The following ZNF277 variants were observed in gnomAD, a reference collection of about 807,000 sequenced individuals.
ZNF277 encodes the protein zinc finger protein 277.
Under a neutral mutation model 60.7 loss-of-function variants are expected in ZNF277, and 55 were observed. The ratio of observed to expected loss-of-function variants is 0.91; its 90% CI spans 0.73 to 1.13. ZNF277 has a LOEUF of 1.13. Ranked by LOEUF, ZNF277 falls within the 50% of genes most tolerant of loss-of-function variation. ZNF277 has a pLI of 0.00. For missense variants in ZNF277, 510 were observed against 523.0 expected (o/e 0.98, Z 0.24); for synonymous variants, 178 against 179.3 (o/e 0.99, Z 0.06).
chr7:112,331,753 C>T (rs1468944153), intron 7 of ZNF277, among the ~76,000 whole-genome samples: 1 of 152,314 alleles, frequency 6.6e-6, no homozygotes, highest in South Asian at 2.1e-4. Flanking sequence ...AGAGCAAATG[C>T]TGCTTCAGGA....
intron 1 of ZNF277, among the ~76,000 whole-genome samples, chr7:112,258,283 T>C (rs1409605349): frequency 6.6e-6 from 1 of 152,042 alleles, no homozygotes; most frequent in Non-Finnish European, 1.5e-5. Flanking sequence ...TTTTTTTTGC[T>C]TTCTTCCTAG....
chr7:112,270,798 TATAAAGTTATAAAATTG>T, intron 1 of ZNF277, among the ~76,000 whole-genome samples: 1 of 152,218 alleles, frequency 6.6e-6, no homozygotes, highest in Admixed American at 6.5e-5. Context: ...TATACTAACT[TATAAAGTTATAAAATTG>T]ATCATATCAA....
intron 4 of ZNF277, among the ~76,000 whole-genome samples, chr7:112,297,059 C>G (rs1164778401): frequency 2.0e-5 from 3 of 150,116 alleles, no homozygotes; most frequent in Non-Finnish European, 3.0e-5. Context: ...TCCCGAGTAG[C>G]TGGGACTACA....
chr7:112,235,325 G>C (rs1040269918), intron 1 of ZNF277, among the ~76,000 whole-genome samples: 30 of 151,996 alleles, frequency 2.0e-4, no homozygotes, highest in African/African-American at 7.0e-4. Flanking sequence ...AACTATGATT[G>C]ACATTTTGAA....
chr7:112,337,954 C>A, intron 9 of ZNF277, 128 bp downstream of exon 9: 1 of 721,898 alleles, frequency 1.4e-6, no homozygotes, highest in Non-Finnish European at 2.2e-6. Flanking sequence ...CAGGCCAGGT[C>A]TGTCAGGGAG....
chr7:112,278,359 C>A lies in ZNF277; in HGVS notation c.92-8514C>A, dbSNP rs568300213. On this transcript the variant is annotated intron_variant, in intron 1 of 11. Coordinates refer to ENST00000361822, the MANE Select transcript of ZNF277 (RefSeq NM_021994.3). ...TCTTATGTGATTTAATTCTTTAAAT[C>A]TGTGTTGGGGCCCTAGAGTGTTTAT... Among the ~76,000 whole-genome samples the A allele has an allele frequency of 5.9e-5, 9 of 152,238 alleles. No individual in the cohort carries two copies. In the South Asian group the frequency reaches 1.0e-3, roughly 18 times the overall value.
intron 1 of ZNF277, among the ~76,000 whole-genome samples, chr7:112,247,421 A>G (rs934808200): frequency 2.0e-5 from 3 of 152,210 alleles, no homozygotes; most frequent in African/African-American, 7.2e-5. Context: ...AAATTGTATT[A>G]GGAAGATTAG....
chr7:112,223,226 G>C (rs1375300382), intron 1 of ZNF277, among the ~76,000 whole-genome samples: 6 of 152,190 alleles, frequency 3.9e-5, no homozygotes, highest in Non-Finnish European at 8.8e-5. Context: ...GCTGATAGAG[G>C]CTCGAAGATG....
intron 1 of ZNF277, among the ~76,000 whole-genome samples, chr7:112,215,819 A>C (rs1821864754): frequency 6.6e-6 from 1 of 151,992 alleles, no homozygotes; most frequent in Non-Finnish European, 1.5e-5. Flanking sequence ...CCAAATAGAG[A>C]GGTTTGTTTT....
At chr7:112,340,304 T>A (rs1169355244) in intron 10 of ZNF277, among the ~76,000 whole-genome samples, 1 of 152,224 alleles carries the variant, frequency 6.6e-6, no homozygotes. Context: ...ACTGCACTGC[T>A]TAGCAGTATA....
intron 1 of ZNF277, among the ~76,000 whole-genome samples, chr7:112,268,714 A>G (rs1791601342): frequency 6.6e-6 from 1 of 152,184 alleles, no homozygotes; most frequent in South Asian, 2.1e-4. Flanking sequence ...AAAATGTACC[A>G]AAACCATGGT....
intron 1 of ZNF277, among the ~76,000 whole-genome samples, chr7:112,207,288 C>T (rs962357670): frequency 3.2e-4 from 48 of 152,156 alleles, no homozygotes; most frequent in Admixed American, 2.0e-4. Flanking sequence ...GGTCACTGCT[C>T]TCCACTCTAC....
chr7:112,279,355 A>G (rs2117050005), intron 1 of ZNF277, among the ~76,000 whole-genome samples: 1 of 152,244 alleles, frequency 6.6e-6, no homozygotes, highest in Non-Finnish European at 1.5e-5. Context: ...CATCCTTGCC[A>G]ACACATGTGA....
chr7:112,208,442 A>G (rs981940153), intron 1 of ZNF277, among the ~76,000 whole-genome samples: 2 of 152,008 alleles, frequency 1.3e-5, no homozygotes, highest in African/African-American at 4.8e-5. Flanking sequence ...TTATTTTTAA[A>G]TTTTACAAGT....
chr7:112,258,359 A>G (rs1791370879), intron 1 of ZNF277, among the ~76,000 whole-genome samples: 1 of 151,350 alleles, frequency 6.6e-6, no homozygotes, highest in Admixed American at 6.6e-5. Flanking sequence ...AATTTCAAAT[A>G]AACACTTCTT....
chr7:112,337,893 C>T lies in ZNF277; in HGVS notation c.966+67C>T, dbSNP rs1040404132. The T allele has an allele frequency of 1.8e-5, 23 of 1,303,014 alleles. No individual in the cohort carries two copies. In the African/African-American group the frequency reaches 3.2e-4, roughly 18 times the overall value. 80.7% of individuals were successfully genotyped at this position (1,303,014 alleles called of 1,614,324 possible). A position where few individuals can be genotyped will look rare whatever the true frequency, so the allele number is the denominator to read the frequency against. On this transcript the variant is annotated intron_variant, in intron 9 of 11. Transcript: ENST00000361822. ...AGGGGAAAGCTAGTAATTGTTGCAC[C>T]CTCATCTGCTTTTACTTCAGTTTCC...
At position 112,290,034 on chromosome 7, in the gene ZNF277, C is replaced by T. The variant is rs527692569; in HGVS notation, c.293+2960C>T. Among the ~76,000 whole-genome samples the T allele has an allele frequency of 4.6e-5, 7 of 152,296 alleles. No homozygotes were observed. In the South Asian group the frequency reaches 1.2e-3, roughly 27 times the overall value. On this transcript the variant is annotated intron_variant, in intron 2 of 11. Transcript: ENST00000361822. ...ATTTTTATGGTTTCACCATGTTGCC[C>T]AGGCTGGTCTAGAACTCCTGGGCTC...
Position 112,247,862 on chromosome 7 carries a change from G to T in ZNF277, c.92-39011G>T, listed in dbSNP as rs376173910. 2.6e-5 allele frequency among the ~76,000 whole-genome samples: 4 copies of T among 151,922 alleles called. No homozygotes were observed. In the East Asian group the frequency reaches 7.8e-4, roughly 29 times the overall value. ...GGGCGCCTGTAATCTCAGCTACTTGGGGGGCTGAGGCAGGAGAGTCACTTG... is the reference window on the plus strand; with the variant it reads ...GGGCGCCTGTAATCTCAGCTACTTGTGGGGCTGAGGCAGGAGAGTCACTTG... On this transcript the variant is annotated intron_variant, in intron 1 of 11. Transcript: ENST00000361822.
chr7:112,210,445 TTTTTTTGTTTTTG>T (rs1388781508), intron 1 of ZNF277, among the ~76,000 whole-genome samples: 17 of 147,760 alleles, frequency 1.2e-4, no homozygotes, highest in Admixed American at 3.5e-4. Flanking sequence ...ATTTTTTTGC[TTTTTTTGTTTTTG>T]TTTTTTGTTT....
Sources: gnomAD v4.1 joint callset for allele counts (sites outside exome capture counted in the v4.1 genomes callset) on GRCh38, gnomAD v4.1.1 for gene constraint, MANE v1.5 for transcripts, NCBI Gene and HGNC (gene_info 2026-07-23, HGNC 2026-07-21) for gene names.